PHACTR2: variants seen among roughly 807,000 people sequenced by gnomAD.
PHACTR2 encodes chromosome 6 open reading frame 56.
PHACTR2 carries 30 observed loss-of-function variants against 76.0 expected under a neutral mutation model. The observed-to-expected ratio is 0.39, with a 90% confidence interval of 0.30 to 0.54. The LOEUF (loss-of-function observed/expected upper bound fraction) is 0.54. Ranked by LOEUF, PHACTR2 falls within the 20% of genes least tolerant of loss-of-function variation. The pLI, the probability that PHACTR2 is intolerant of heterozygous loss-of-function variation, is 0.61. For synonymous variants in PHACTR2, 292 were observed against 292.5 expected (o/e 1.00, Z 0.02); for missense variants, 696 against 781.1 (o/e 0.89, Z 1.30).
Position 143,733,798 on chromosome 6 carries a change from G to A in PHACTR2, c.215-15187G>A, listed in dbSNP as rs973611564. Among the ~76,000 whole-genome samples, 1 of 152,284 alleles carries A rather than the reference G, an allele frequency of 6.6e-6. No individual in the cohort carries two copies. The highest frequency in any genetic ancestry group is 2.4e-5 in the African/African-American group (1 of 41,556). ...GGGTTGTATTTTAATTCAACCATTT[G>A]TGTTCTTGTGTATTTCACAACAAAA... is the stretch of plus-strand genomic sequence containing the variant. On this transcript the variant is annotated intron_variant, in intron 2 of 12. Coordinates refer to ENST00000440869, the MANE Select transcript of PHACTR2 (RefSeq NM_001100164.2). The surrounding 1 kb of genome is among the most constrained non-coding windows in gnomAD (Gnocchi z 4.0).
rs1239791829 is a variant in PHACTR2 at position 143,578,438 on chromosome 6, C to A, written c.217+41231C>A. The stretch of plus-strand genomic sequence containing the variant: ...CATAAGAAAGGTTGAGCATGGTAGC[C>A]ATGGAAGGATGTGTAGGTTGTTCAC... On this transcript the variant is annotated intron_variant, in intron 1 of 11. Coordinates refer to the PHACTR2 transcript ENST00000367584. This position sits in a 1 kb window ranked among gnomAD's most constrained non-coding sequence, Gnocchi z 4.5. 6.6e-6 allele frequency among the ~76,000 whole-genome samples: 1 copy of A among 152,138 alleles called. No individual in the cohort carries two copies. Among genetic ancestry groups the A allele is most frequent in the Non-Finnish European group, 1.5e-5 (1 of 68,034 alleles).
chr6:143,623,043 C>T lies in PHACTR2; in HGVS notation c.13+14721C>T, dbSNP rs1776185182. On this transcript the variant is annotated intron_variant, in intron 1 of 11. Coordinates refer to the PHACTR2 transcript ENST00000305766. The surrounding 1 kb of genome is among the most constrained non-coding windows in gnomAD (Gnocchi z 5.9). ...ATTTGCTTTGAACTTTTCAGATTAC[C>T]TTCCCTAACACTGATGTCAAATATG... 6.6e-6 allele frequency among the ~76,000 whole-genome samples: 1 copy of T among 152,132 alleles called. No homozygotes were observed. The highest frequency in any genetic ancestry group is 1.5e-5 in the Non-Finnish European group (1 of 68,036).
At chr6:143,728,490 A>C (rs1778628463) in intron 2 of PHACTR2, among the ~76,000 whole-genome samples, 1 of 152,062 alleles carries the variant, frequency 6.6e-6, no homozygotes, top group Non-Finnish European at 1.5e-5. Context: ...AGACGTAGAA[A>C]AATTTGTATG....
rs1315835494 is a variant in PHACTR2, at chr6:143,755,561, T to C, written c.454+1649T>C. ...GCAGACCTTATGGGTCCATGAATAGTTGAGAGATGTTTTTCTTTGCTTAGA... is the reference window on the plus strand; with the variant it reads ...GCAGACCTTATGGGTCCATGAATAGCTGAGAGATGTTTTTCTTTGCTTAGA... On this transcript the variant is annotated intron_variant, in intron 4 of 12. Transcript: ENST00000440869. The surrounding 1 kb of genome is among the most constrained non-coding windows in gnomAD (Gnocchi z 5.2). 3.2e-6 allele frequency: 1 copy of C among 312,698 alleles called. No individual in the cohort carries two copies. Among genetic ancestry groups the C allele is most frequent in the Non-Finnish European group, 6.3e-6 (1 of 157,970 alleles). 19.4% of individuals were successfully genotyped at this position (312,698 alleles called of 1,614,324 possible).
rs1224990368 is a variant in PHACTR2, at chr6:143,597,789, C to G, written c.217+60582C>G. ...ATAGAGCTAGATTATTGGAAATCCT[C>G]CAGGTCCATTATATTGACATTCTTT... On this transcript the variant is annotated intron_variant, in intron 1 of 11. Transcript: ENST00000367584. This position sits in a 1 kb window ranked among gnomAD's most constrained non-coding sequence, Gnocchi z 5.7. Among the ~76,000 whole-genome samples the G allele has an allele frequency of 6.6e-6, 1 of 152,226 alleles. No homozygotes were observed. Among genetic ancestry groups the G allele is most frequent in the Non-Finnish European group, 1.5e-5 (1 of 68,042 alleles).
At position 143,537,562 on chromosome 6, in the gene PHACTR2, G is replaced by C. The variant is rs1307786225; in HGVS notation, c.217+355G>C. ...TTCCATCAGAAAGAGGAACATTCTC[G>C]GTCTTCGGCGCGACTTTGGTCCCTC... On this transcript the variant is annotated intron_variant, in intron 1 of 11. Coordinates refer to the PHACTR2 transcript ENST00000367584. This position sits in a 1 kb window ranked among gnomAD's most constrained non-coding sequence, Gnocchi z 4.4. Among the ~76,000 whole-genome samples the C allele has an allele frequency of 6.6e-6, 1 of 152,168 alleles. No individual in the cohort carries two copies. The highest frequency in any genetic ancestry group is 1.5e-5 in the Non-Finnish European group (1 of 68,012).
chr6:143,827,918 G>A lies in PHACTR2; in HGVS notation c.*4229G>A, dbSNP rs1776579613. On this transcript the variant is annotated 3_prime_UTR_variant, in exon 13 of 13. Coordinates refer to ENST00000440869, the MANE Select transcript of PHACTR2 (RefSeq NM_001100164.2). ...AGCACTTTGGGAGGCCAAGGTGGGTGGATCAGTTGAGGTCAGGAGTTCGAG... is the reference window on the plus strand; with the variant it reads ...AGCACTTTGGGAGGCCAAGGTGGGTAGATCAGTTGAGGTCAGGAGTTCGAG... 2 of 152,112 alleles carry A rather than the reference G, an allele frequency of 1.3e-5. No homozygotes were observed. The highest frequency in any genetic ancestry group is 1.5e-5 in the Non-Finnish European group (1 of 68,050). 9.4% of individuals were successfully genotyped at this position (152,112 alleles called of 1,614,324 possible). A position where few individuals can be genotyped will look rare whatever the true frequency, so the allele number is the denominator to read the frequency against.
intron 1 of PHACTR2, among the ~76,000 whole-genome samples, chr6:143,703,525 C>A (rs1182583921): frequency 6.6e-6 from 1 of 152,172 alleles, no homozygotes; most frequent in South Asian, 2.1e-4. Context: ...GGGTTACGAG[C>A]AATCTTCCTC....
chr6:143,748,921 A>G, intron 2 of PHACTR2, 64 bp from the exon 3 acceptor site: 1 of 853,030 alleles, frequency 1.2e-6, no homozygotes, highest in Non-Finnish European at 1.9e-6. Context: ...TTCTACTTGG[A>G]ATGTTTTTCA....
At chr6:143,693,833 T>C (rs1262877148) in intron 1 of PHACTR2, among the ~76,000 whole-genome samples, 1 of 152,122 alleles carries the variant, frequency 6.6e-6, no homozygotes, top group Non-Finnish European at 1.5e-5. Flanking sequence ...CTGTAGAGCA[T>C]ATGGGGTAAA....
Position 143,820,317 on chromosome 6 carries a change from A to G in PHACTR2, c.1923-3357A>G, listed in dbSNP as rs865876378. On this transcript the variant is annotated intron_variant, in intron 12 of 12. Transcript: ENST00000440869. The surrounding 1 kb of genome is among the most constrained non-coding windows in gnomAD (Gnocchi z 4.2). Reference sequence around the variant, plus strand: ...TAATTCATTCCAGCATTAACTCAAAAGTTCAAAATCTCATCTGAAAAAAGG... The same window carrying G: ...TAATTCATTCCAGCATTAACTCAAAGGTTCAAAATCTCATCTGAAAAAAGG... 1.3e-5 allele frequency among the ~76,000 whole-genome samples: 2 copies of G among 152,220 alleles called. No individual in the cohort carries two copies. Among genetic ancestry groups the G allele is most frequent in the Non-Finnish European group, 2.9e-5 (2 of 68,032 alleles).
At position 143,641,933 on chromosome 6, in the gene PHACTR2, C is replaced by T. The variant is rs897667073; in HGVS notation, c.13+33611C>T. ...TTTTCTCTTGTGACACTAAAGAATG[C>T]CTAGATATTTATGCATCTAACTAGG... On this transcript the variant is annotated intron_variant, in intron 1 of 11. Transcript: ENST00000305766. The surrounding 1 kb of genome is among the most constrained non-coding windows in gnomAD (Gnocchi z 5.8). Among the ~76,000 whole-genome samples the T allele has an allele frequency of 2.6e-5, 4 of 152,106 alleles. No individual in the cohort carries two copies. Among genetic ancestry groups the T allele is most frequent in the Non-Finnish European group, 4.4e-5 (3 of 68,016 alleles).
At chr6:143,716,514 C>T (rs954227553) in intron 2 of PHACTR2, among the ~76,000 whole-genome samples, 19 of 152,130 alleles carry the variant, frequency 1.2e-4, no homozygotes. Flanking sequence ...TTCTGCTGTA[C>T]TTTTAGTAGA....
At chr6:143,763,615 A>G (rs1394247832) in intron 5 of PHACTR2, among the ~76,000 whole-genome samples, 4 of 152,204 alleles carry the variant, frequency 2.6e-5, no homozygotes, top group African/African-American at 7.2e-5. Flanking sequence ...CTAGTTATGT[A>G]TATCTTAAAC....
chr6:143,692,163 A>G (rs937983624), intron 1 of PHACTR2, among the ~76,000 whole-genome samples: 1 of 152,158 alleles, frequency 6.6e-6, no homozygotes, highest in Non-Finnish European at 1.5e-5. Context: ...CTTCTTGTAT[A>G]AAGATGTTTC....
rs190736631 is a variant in PHACTR2 at position 143,830,609 on chromosome 6, G to T, written c.*6920G>T. On this transcript the variant is annotated 3_prime_UTR_variant, in exon 13 of 13. Transcript: ENST00000440869. Reference sequence around the variant, plus strand: ...TACTTGTATTCCACTATTGTAACCTGAAAGAAAGACTATGTATTCCCTTTT... The same window carrying T: ...TACTTGTATTCCACTATTGTAACCTTAAAGAAAGACTATGTATTCCCTTTT... The T allele has an allele frequency of 2.1e-3, 324 of 152,232 alleles. 1 individual carries two copies. Among genetic ancestry groups the T allele is most frequent in the African/African-American group, 7.5e-3 (310 of 41,546 alleles). 9.4% of individuals were successfully genotyped at this position (152,232 alleles called of 1,614,324 possible).
chr6:143,583,055 A>G lies in PHACTR2; in HGVS notation c.217+45848A>G, dbSNP rs1057225190. Among the ~76,000 whole-genome samples, 2 of 152,218 alleles carry G rather than the reference A, an allele frequency of 1.3e-5. No individual in the cohort carries two copies. Among genetic ancestry groups the G allele is most frequent in the Non-Finnish European group, 2.9e-5 (2 of 68,024 alleles). On this transcript the variant is annotated intron_variant, in intron 1 of 11. Transcript: ENST00000367584. This position sits in a 1 kb window ranked among gnomAD's most constrained non-coding sequence, Gnocchi z 4.0. ...TAGAAACATCATAATGAGTCTTTCT[A>G]TTTTGGATATGAAGACTTCTCAGAG... is the stretch of plus-strand genomic sequence containing the variant.
intron 11 of PHACTR2, among the ~76,000 whole-genome samples, chr6:143,797,779 T>C: frequency 6.6e-6 from 1 of 152,212 alleles, no homozygotes; most frequent in East Asian, 1.9e-4. Context: ...TTGGCACCAG[T>C]ACCATGCTGT....
chr6:143,563,250 G>T (rs1489189277), intron 1 of PHACTR2, among the ~76,000 whole-genome samples: 1 of 152,096 alleles, frequency 6.6e-6, no homozygotes, highest in Non-Finnish European at 1.5e-5. Flanking sequence ...CCAGTTACGT[G>T]TGAGACAGGG....
Sources: gnomAD v4.1 joint callset for allele counts (sites outside exome capture counted in the v4.1 genomes callset) on GRCh38, gnomAD v4.1.1 for gene constraint, Gnocchi (gnomAD v3.1) non-coding constraint, MANE v1.5 for transcripts, NCBI Gene and HGNC (gene_info 2026-07-23, HGNC 2026-07-21) for gene names.